Variants in PRKAB2 observed in about 807,000 individuals in gnomAD.
PRKAB2 encodes 5'-AMP-activated protein kinase subunit beta-2.
Under a neutral mutation model 29.8 loss-of-function variants are expected in PRKAB2, and 18 were observed. The observed-to-expected ratio is 0.60, with a 90% CI of 0.42 to 0.89. The LOEUF is 0.89. PRKAB2 is among the 40% of genes least tolerant of loss of function. The pLI is 0.00. For synonymous variants in PRKAB2, 136 were observed against 125.9 expected, an observed-to-expected ratio of 1.08 and a Z score of -0.54; for missense variants, 270 against 344.3, an observed-to-expected ratio of 0.78 and a Z score of 1.71.
At chr1:147,164,904 T>C (rs1571060044) in intron 5 of PRKAB2, among the ~76,000 whole-genome samples, 1 of 152,338 alleles carries the variant, frequency 6.6e-6, no homozygotes, top group East Asian at 1.9e-4. Flanking sequence ...GTCACAAGTA[T>C]CCTCATAATC....
In PRKAB2 at chr1:147,157,066, A is replaced by G. The variant is rs1653709218; in HGVS notation, c.*2499T>C. On this transcript the variant is annotated 3_prime_UTR_variant, in exon 8 of 8. Coordinates refer to ENST00000254101, the MANE Select transcript of PRKAB2 (RefSeq NM_005399.5). ...TGTAAAATTCCCAAAAGCAAAATAA[A>G]GGCTAAAAAAATTTTTTTTGCCTTT... 6.6e-6 allele frequency: 1 copy of G among 152,112 alleles called. No homozygotes were observed. Among genetic ancestry groups the G allele is most frequent in the Non-Finnish European group, 1.5e-5 (1 of 68,004 alleles). The allele number at this position is 152,112 out of a possible 1,614,324, so 9.4% of individuals were successfully genotyped here.
intron 5 of PRKAB2, among the ~76,000 whole-genome samples, chr1:147,163,183 C>G (rs1329710644): frequency 1.3e-5 from 2 of 152,070 alleles, no homozygotes; most frequent in Non-Finnish European, 2.9e-5. Flanking sequence ...AACAGACAGA[C>G]AGTAATAAGT....
rs1654718545 is a variant in PRKAB2 at position 147,172,444 on chromosome 1, C to A, written c.-39G>T. ...CTCCAGTCACCTCGGGCGATGCGCT[C>A]CCTCCTCCAAGGGCCACTGATGTGA... On this transcript the variant is annotated 5_prime_UTR_variant, in exon 1 of 8. Coordinates refer to ENST00000254101, the MANE Select transcript of PRKAB2 (RefSeq NM_005399.5). 2.1e-6 allele frequency: 1 copy of A among 485,882 alleles called. No individual in the cohort carries two copies. The highest frequency in any genetic ancestry group is 3.6e-6 in the Non-Finnish European group (1 of 275,350). 30.1% of individuals were successfully genotyped at this position (485,882 alleles called of 1,614,324 possible).
rs1553912479 is a variant in PRKAB2, at chr1:147,156,721, C to G, written c.*2844G>C. The G allele has an allele frequency of 6.6e-6, 1 of 152,078 alleles. No homozygotes were observed. Among genetic ancestry groups the G allele is most frequent in the Non-Finnish European group, 1.5e-5 (1 of 68,014 alleles). 9.4% of individuals were successfully genotyped at this position (152,078 alleles called of 1,614,324 possible). On this transcript the variant is annotated 3_prime_UTR_variant, in exon 8 of 8. Coordinates refer to ENST00000254101, the MANE Select transcript of PRKAB2 (RefSeq NM_005399.5). ...TATGTGTTTTAGGTAATGTCTGACA[C>G]TCTGGTAAAGTCTGCCTGACACATG...
intron 7 of PRKAB2, among the ~76,000 whole-genome samples, chr1:147,161,446 G>A (rs1156307205): frequency 6.7e-6 from 1 of 148,396 alleles, no homozygotes; most frequent in Non-Finnish European, 1.5e-5. Flanking sequence ...TAAGTAAACA[G>A]TTAGTGTAAA....
In PRKAB2 at chr1:147,167,941, A is replaced by T; in HGVS notation, c.157-8T>A. ...CTCTTTGTCCCCAGGGAGCTGTAAG[A>T]AGGAGTAGGTCATCCCTAGAATAAA... On this transcript the variant is annotated splice_polypyrimidine_tract_variant and splice_region_variant and intron_variant, in intron 2 of 7. Transcript: ENST00000254101. 1.2e-6 allele frequency: 2 copies of T among 1,609,782 alleles called. No individual in the cohort carries two copies. Among genetic ancestry groups the T allele is most frequent in the Non-Finnish European group, 1.7e-6 (2 of 1,178,032 alleles).
intron 1 of PRKAB2, 110 bp from the exon 2 acceptor site, chr1:147,172,277 G>C: frequency 7.9e-7 from 1 of 1,272,494 alleles, no homozygotes; most frequent in Non-Finnish European, 1.0e-6. Flanking sequence ...CCCGCCCCAG[G>C]GAAGCCGAGC....
At chr1:147,166,757 G>C in intron 4 of PRKAB2, 89 bp downstream of exon 4, 2 of 1,546,940 alleles carry the variant, frequency 1.3e-6, no homozygotes, top group South Asian at 2.3e-5. Context: ...CTCCAGTGTA[G>C]GGGAGCAGCT....
Position 147,167,936 on chromosome 1 carries a change from G to A in PRKAB2, c.157-3C>T. ...ACAAACTCTTTGTCCCCAGGGAGCT[G>A]TAAGAAGGAGTAGGTCATCCCTAGA... On this transcript the variant is annotated splice_polypyrimidine_tract_variant and splice_region_variant and intron_variant, in intron 2 of 7. Coordinates refer to ENST00000254101, the MANE Select transcript of PRKAB2 (RefSeq NM_005399.5). 6.2e-7 allele frequency: 1 copy of A among 1,609,996 alleles called. No individual in the cohort carries two copies. The highest frequency in any genetic ancestry group is 8.5e-7 in the Non-Finnish European group (1 of 1,178,150).
At chr1:147,160,061 G>T (rs1559607464) in intron 7 of PRKAB2, among the ~76,000 whole-genome samples, 1 of 152,014 alleles carries the variant, frequency 6.6e-6, no homozygotes, top group African/African-American at 2.4e-5. Flanking sequence ...ATTTCTAGAA[G>T]AAAGTCTTAA....
chr1:147,165,392 G>A (rs1015807082), intron 5 of PRKAB2, among the ~76,000 whole-genome samples: 5 of 152,124 alleles, frequency 3.3e-5, no homozygotes, highest in Non-Finnish European at 5.9e-5. Flanking sequence ...TCCACTTAAG[G>A]TATTGTGCCT....
rs782226459 is a variant in PRKAB2 at position 147,171,959 on chromosome 1, T to C, written c.156+30A>G. ...CCCAGAAATCAACCCGCTGCAGTAC[T>C]GACACCAACTGCGGGCATGGGACGC... On this transcript the variant is annotated intron_variant, in intron 2 of 7. Coordinates refer to ENST00000254101, the MANE Select transcript of PRKAB2 (RefSeq NM_005399.5). 15 of 1,589,486 alleles carry C rather than the reference T, an allele frequency of 9.4e-6. No individual in the cohort carries two copies. In the African/African-American group the frequency reaches 1.3e-4, roughly 14 times the overall value.
chr1:147,166,376 T>A, intron 5 of PRKAB2, 122 bp downstream of exon 5: 1 of 1,068,384 alleles, frequency 9.4e-7, no homozygotes, highest in Non-Finnish European at 1.3e-6. Flanking sequence ...TCTGTCTCTC[T>A]CTCTCCTCCC....
At chr1:147,166,646 G>C (rs782229568) in intron 4 of PRKAB2, 28 bp from the exon 5 acceptor site, 2 of 1,607,056 alleles carry the variant, frequency 1.2e-6, no homozygotes, top group Non-Finnish European at 1.7e-6. Context: ...AAAAATTATT[G>C]AATCTCTCTT....
At chr1:147,167,680 G>A in intron 3 of PRKAB2, 87 bp downstream of exon 3, 1 of 1,462,540 alleles carries the variant, frequency 6.8e-7, no homozygotes, top group Non-Finnish European at 9.2e-7. Context: ...TTAGTAGGTG[G>A]AGAAAAGTCC....
intron 2 of PRKAB2, among the ~76,000 whole-genome samples, chr1:147,168,280 T>C (rs1274498476): frequency 6.6e-6 from 1 of 152,126 alleles, no homozygotes; most frequent in African/African-American, 2.4e-5. Flanking sequence ...GATATGCTTC[T>C]GAGTCTTTCT....
At chr1:147,160,777 G>A (rs1401639874) in intron 7 of PRKAB2, 1 of 152,164 alleles carries the variant, frequency 6.6e-6, no homozygotes, top group Non-Finnish European at 1.5e-5. Context: ...GACCTCAGCA[G>A]TCCTGTCTCT....
intron 3 of PRKAB2, among the ~76,000 whole-genome samples, 179 bp downstream of exon 3, chr1:147,167,588 C>G (rs1164982942): frequency 2.0e-5 from 3 of 152,114 alleles, no homozygotes. Flanking sequence ...GGTAAAACAT[C>G]TCTGACTCAC....
intron 7 of PRKAB2, 91 bp downstream of exon 7, chr1:147,161,621 G>T: frequency 8.9e-7 from 1 of 1,117,460 alleles, no homozygotes. Flanking sequence ...CAGCTTCAAT[G>T]AAATAGCAGA....
Sources: allele counts gnomAD v4.1 joint callset (sites outside exome capture counted in the v4.1 genomes callset), GRCh38; gene constraint gnomAD v4.1.1; transcripts MANE v1.5; gene names NCBI Gene and HGNC (gene_info 2026-07-23, HGNC 2026-07-21).